The following TBX1 variants were observed in gnomAD, a reference collection of about 807,000 sequenced individuals.
TBX1 encodes T-box transcription factor 1.
TBX1 carries 16 observed loss-of-function variants against 40.8 expected under a neutral mutation model. The ratio of observed to expected loss-of-function variants is 0.39; its 90% confidence interval spans 0.27 to 0.60. The LOEUF is 0.60. Among genes scored for constraint, TBX1 ranks in the 20% least tolerant of loss-of-function variants. TBX1 has a pLI of 0.51. For missense variants in TBX1, 755 were observed against 728.5 expected (o/e 1.04, Z -0.42); for synonymous variants, 403 against 336.8 (o/e 1.20, Z -2.15).
chr22:19,766,201 C>G, intron 6 of TBX1, 188 bp from the exon 7 acceptor site: 1 of 924,386 alleles, frequency 1.1e-6, no homozygotes, highest in Non-Finnish European at 1.3e-6. Flanking sequence ...CCGCCGCCCG[C>G]AGAGGGGCGC....
upstream of TBX1, among the ~76,000 whole-genome samples, chr22:19,760,226 A>T (rs1978059): frequency 0.14 from 10,708 of 75,918 alleles, 430 homozygotes; most frequent in Non-Finnish European, 0.17. Flanking sequence ...TTTTTTTTTT[A>T]AAAAGAAAAA....
downstream of TBX1, among the ~76,000 whole-genome samples, chr22:19,768,712 GC>G (rs1390915123): frequency 8.5e-5 from 13 of 152,184 alleles, no homozygotes; most frequent in Non-Finnish European, 1.8e-4. Context: ...GTGCGGAGGG[GC>G]TGCCATTCGA....
downstream of TBX1, among the ~76,000 whole-genome samples, chr22:19,769,880 C>T (rs1028244787): frequency 2.6e-5 from 4 of 152,260 alleles, no homozygotes; most frequent in South Asian, 2.1e-4. Context: ...GATAAGCCAC[C>T]GGGCCTATGG....
At chr22:19,766,265 C>T in intron 6 of TBX1, 124 bp from the exon 7 acceptor site, 1 of 1,177,906 alleles carries the variant, frequency 8.5e-7, no homozygotes, top group Non-Finnish European at 1.0e-6. Flanking sequence ...GGCACGCTGG[C>T]ACCGACTGGT....
At chr22:19,770,059 C>A (rs1427401763), downstream of TBX1, among the ~76,000 whole-genome samples, 5 of 152,174 alleles carry the variant, frequency 3.3e-5, no homozygotes, top group East Asian at 5.8e-4. Flanking sequence ...GCTGTTCCCC[C>A]ACAGGCTCCC....
chr22:19,780,016 G>C (rs1327404564), downstream of TBX1, among the ~76,000 whole-genome samples: 1 of 152,166 alleles, frequency 6.6e-6, no homozygotes, highest in Non-Finnish European at 1.5e-5. Context: ...CGTATTTATT[G>C]TGTAAACTTC....
downstream of TBX1, among the ~76,000 whole-genome samples, chr22:19,768,708 A>G (rs1936933202): frequency 6.6e-6 from 1 of 152,108 alleles, no homozygotes; most frequent in Non-Finnish European, 1.5e-5. Flanking sequence ...GGATGTGCGG[A>G]GGGGCTGCCA....
At chr22:19,766,234 C>T in intron 6 of TBX1, 155 bp from the exon 7 acceptor site, 7 of 1,104,788 alleles carry the variant, frequency 6.3e-6, no homozygotes, top group Non-Finnish European at 7.8e-6. Flanking sequence ...GGGCTCGGGG[C>T]GCCGGCGACT....
Position 19,761,149 on chromosome 22 carries a change from C to G in TBX1, c.306C>G (p.Cys102Trp). The change falls in exon 1 of 7, where the codon TGC (cysteine) becomes TGG (tryptophan). Residue 102 changes from cysteine (C) to tryptophan (W), a missense_variant. By Grantham distance (215) the Cys-to-Trp change is radical. Transcript: ENST00000649276. Reference sequence around the variant, plus strand: ...AGCCCGAGGGCCCCGGGGCCAGCTGCGCGGCCGCAGCCAAGGCGCCGGTGA... The same window carrying G: ...AGCCCGAGGGCCCCGGGGCCAGCTGGGCGGCCGCAGCCAAGGCGCCGGTGA... ...AAEPEGPGAS[C>W]AAAAKAPVKK... 1 of 1,487,330 alleles carries G rather than the reference C, an allele frequency of 6.7e-7. No homozygotes were observed. The highest frequency in any genetic ancestry group is 1.2e-5 in the South Asian group (1 of 80,304). 92.1% of individuals were successfully genotyped at this position (1,487,330 alleles called of 1,614,324 possible). A position where few individuals can be genotyped will look rare whatever the true frequency, so the allele number is the denominator to read the frequency against.
chr22:19,770,928 CGTGTTCCAGAGACTCT>C (rs1182701292), downstream of TBX1, among the ~76,000 whole-genome samples: 2 of 152,138 alleles, frequency 1.3e-5, no homozygotes, highest in Admixed American at 6.6e-5. Context: ...GCATGTGGCC[CGTGTTCCAGAGACTCT>C]GTGTTCCAGA....
At chr22:19,782,262 A>AGTT (rs1937149718), downstream of TBX1, among the ~76,000 whole-genome samples, 1 of 152,178 alleles carries the variant, frequency 6.6e-6, no homozygotes, top group South Asian at 2.1e-4. Context: ...ATATCTTAAC[A>AGTT]ATGTTAAGTT....
At chr22:19,778,593 C>T (rs1438259216) in intron 8 of TBX1, among the ~76,000 whole-genome samples, 1 of 151,514 alleles carries the variant, frequency 6.6e-6, no homozygotes, top group Non-Finnish European at 1.5e-5. Flanking sequence ...CGCCACCATG[C>T]CTGGCTAATT....
chr22:19,778,307 C>T (rs1263538806), intron 8 of TBX1, among the ~76,000 whole-genome samples: 1 of 152,054 alleles, frequency 6.6e-6, no homozygotes, highest in Non-Finnish European at 1.5e-5. Flanking sequence ...CACTATGTTG[C>T]CCAGGCTGGT....
At chr22:19,765,851 AGCGCCGG>A in intron 5 of TBX1, 26 bp downstream of exon 5, 1 of 1,583,486 alleles carries the variant, frequency 6.3e-7, no homozygotes, top group South Asian at 1.1e-5. Flanking sequence ...CGAGAGAGTG[AGCGCCGG>A]GCGCCTGGCG....
chr22:19,774,833 G>C (rs1490453063), intron 8 of TBX1, among the ~76,000 whole-genome samples: 1 of 152,186 alleles, frequency 6.6e-6, no homozygotes, highest in Non-Finnish European at 1.5e-5. Flanking sequence ...GGAATGGGGA[G>C]TTGGCGTCTA....
chr22:19,762,253 G>A lies in TBX1; in HGVS notation c.437+973G>A, dbSNP rs573301956. On this transcript the variant is annotated intron_variant, in intron 1 of 6. Coordinates refer to ENST00000649276, the MANE Select transcript of TBX1 (RefSeq NM_001379200.1). ...CCTTGTCGGCGCTGGGCTTCACCCG[G>A]GAGCCCACGTCCCGCAGCACCCTCC... 2.2e-3 allele frequency among the ~76,000 whole-genome samples: 333 copies of A among 152,360 alleles called. 1 individual carries two copies. The highest frequency in any genetic ancestry group is 6.6e-3 in the African/African-American group (274 of 41,582).
At chr22:19,759,828 G>A (rs985817697), upstream of TBX1, 75 of 996,824 alleles carry the variant, frequency 7.5e-5, 1 homozygote, top group South Asian at 1.0e-3. Context: ...AGGAAGAGCC[G>A]GCATCCCGCC....
At chr22:19,780,455 T>A (rs1244943756), downstream of TBX1, among the ~76,000 whole-genome samples, 1 of 152,234 alleles carries the variant, frequency 6.6e-6, no homozygotes, top group African/African-American at 2.4e-5. Flanking sequence ...ACTCCCTGCC[T>A]TTATAAGGCT....
downstream of TBX1, chr22:19,783,294 C>T: frequency 2.2e-6 from 1 of 448,922 alleles, no homozygotes; most frequent in East Asian, 4.7e-5. Flanking sequence ...CTCGATTTCT[C>T]TACACCCCAC....
Sources: allele counts gnomAD v4.1 joint callset (sites outside exome capture counted in the v4.1 genomes callset), GRCh38; gene constraint gnomAD v4.1.1; transcripts MANE v1.5; gene names NCBI Gene and HGNC (gene_info 2026-07-23, HGNC 2026-07-21).